VAPA: variants seen among roughly 807,000 people sequenced by gnomAD.
The protein encoded by VAPA is vesicle-associated membrane protein-associated protein A.
In VAPA, 6 loss-of-function variants were observed where a neutral mutation model predicts 25.6. The ratio of observed to expected loss-of-function variants is 0.23; its 90% CI spans 0.13 to 0.46. The LOEUF is 0.46. VAPA is among the 20% of genes least tolerant of loss of function. VAPA has a pLI of 0.99. For missense variants in VAPA, 244 were observed against 302.1 expected (o/e 0.81, Z 1.43); for synonymous variants, 112 against 106.2 (o/e 1.05, Z -0.34).
chr18:9,945,337 T>C (rs2069410765), intron 4 of VAPA, among the ~76,000 whole-genome samples: 2 of 143,938 alleles, frequency 1.4e-5, no homozygotes. Flanking sequence ...CTTTGAGATT[T>C]GGGGAATATA....
At position 9,958,780 on chromosome 18, in the gene VAPA, G is replaced by A. The variant is rs959635802; in HGVS notation, c.*4569G>A. 3 of 152,142 alleles carry A rather than the reference G, an allele frequency of 2.0e-5. No individual in the cohort carries two copies. The highest frequency in any genetic ancestry group is 7.2e-5 in the African/African-American group (3 of 41,436). The allele number at this position is 152,142 out of a possible 1,614,324, so 9.4% of individuals were successfully genotyped here. A position where few individuals can be genotyped will look rare whatever the true frequency, so the allele number is the denominator to read the frequency against. On this transcript the variant is annotated 3_prime_UTR_variant, in exon 6 of 6. Transcript: ENST00000400000. Reference sequence around the variant, plus strand: ...ATTGCTTAAAAAAAATTGCATAAAAGCTTTGCTTGTCAAGTTAGGATTGCT... The same window carrying A: ...ATTGCTTAAAAAAAATTGCATAAAAACTTTGCTTGTCAAGTTAGGATTGCT...
At position 9,957,838 on chromosome 18, in the gene VAPA, A is replaced by G. The variant is rs2069566414; in HGVS notation, c.*3627A>G. On this transcript the variant is annotated 3_prime_UTR_variant, in exon 6 of 6. Transcript: ENST00000400000. ...GTCTCTTGCTTAGTGAGATGGAGTT[A>G]ACTATTTTTTAGTAGGAAGTGAGAA... 1 of 152,190 alleles carries G rather than the reference A, an allele frequency of 6.6e-6. No individual in the cohort carries two copies. The highest frequency in any genetic ancestry group is 2.1e-4 in the South Asian group (1 of 4,824). 9.4% of individuals were successfully genotyped at this position (152,190 alleles called of 1,614,324 possible). A position where few individuals can be genotyped will look rare whatever the true frequency, so the allele number is the denominator to read the frequency against.
In VAPA at chr18:9,954,146, C is replaced by A; in HGVS notation, c.685C>A (p.Pro229Thr). 6.2e-7 allele frequency: 1 copy of A among 1,613,942 alleles called. No homozygotes were observed. Among genetic ancestry groups the A allele is most frequent in the Non-Finnish European group, 8.5e-7 (1 of 1,179,864 alleles). ...CAGAGATAATGTCACCAGTCCTCTTCCTTCACTTCTTGTTGTAATTGCAGC... is the reference window on the plus strand; with the variant it reads ...CAGAGATAATGTCACCAGTCCTCTTACTTCACTTCTTGTTGTAATTGCAGC... ...SFRDNVTSPL[P>T]SLLVVIAAIF... is the part of the protein sequence containing the mutation. The change falls in exon 6 of 6, where the codon CCT becomes ACT. Residue 229 changes from proline (P) to threonine (T), a missense_variant. This residue lies in a region of VAPA where 145 missense variants were observed against 140.6 expected (regional missense o/e 1.03). Transcript: ENST00000400000.
chr18:9,914,847 A>G (rs982839848), intron 1 of VAPA: 1 of 152,180 alleles, frequency 6.6e-6, no homozygotes, highest in Non-Finnish European at 1.5e-5. Flanking sequence ...AGGCTAGGGC[A>G]CGGCGCGGGA....
intron 4 of VAPA, among the ~76,000 whole-genome samples, chr18:9,942,876 C>CA (rs201228323): frequency 0.01 from 1,540 of 152,292 alleles, 13 homozygotes; most frequent in Non-Finnish European, 0.017. Flanking sequence ...GTTCCACCTC[C>CA]AACACTGGAG....
intron 5 of VAPA, chr18:9,951,186 A>G (rs1229501615): frequency 6.6e-6 from 1 of 152,366 alleles, no homozygotes; most frequent in African/African-American, 2.4e-5. Context: ...GTGGGGCAGC[A>G]TTGGGCTGGA....
Position 9,950,429 on chromosome 18 carries a change from A to C in VAPA, c.452A>C (p.Asn151Thr). The C allele has an allele frequency of 6.2e-7, 1 of 1,613,918 alleles. No individual in the cohort carries two copies. Among genetic ancestry groups the C allele is most frequent in the Admixed American group, 1.7e-5 (1 of 59,964 alleles). Reference sequence around the variant, plus strand: ...GAACCTAGCAAAGCTGTTCCACTGAATGCATCTAAGCAAGATGGACCTATG... The same window carrying C: ...GAACCTAGCAAAGCTGTTCCACTGACTGCATCTAAGCAAGATGGACCTATG... ...DMEPSKAVPL[N>T]ASKQDGPMPK... Residue 151 changes from asparagine (N) to threonine (T), a missense_variant, in exon 5 of 6, where the codon AAT (asparagine) becomes ACT (threonine). Coordinates refer to ENST00000400000, the MANE Select transcript of VAPA (RefSeq NM_194434.3).
At chr18:9,936,723 A>AAAAAGAAC in intron 3 of VAPA, 1 of 394,780 alleles carries the variant, frequency 2.5e-6, no homozygotes. Flanking sequence ...CCAACTGGAA[A>AAAAAGAAC]AAAAGAAAGA....
intron 1 of VAPA, among the ~76,000 whole-genome samples, chr18:9,916,219 T>C (rs1443162110): frequency 3.3e-5 from 5 of 152,242 alleles, no homozygotes; most frequent in Admixed American, 1.3e-4. Context: ...GCAAAAGCCC[T>C]ACACAGTGAC....
intron 1 of VAPA, among the ~76,000 whole-genome samples, chr18:9,931,332 T>C (rs756533062): frequency 6.6e-6 from 1 of 152,180 alleles, no homozygotes; most frequent in Non-Finnish European, 1.5e-5. Flanking sequence ...TGTGAATGAA[T>C]GAATGGATTG....
chr18:9,927,580 G>T (rs2069211828), intron 1 of VAPA, among the ~76,000 whole-genome samples: 2 of 151,340 alleles, frequency 1.3e-5, no homozygotes. Context: ...TCATTGTTCT[G>T]AATGGTTGAA....
At chr18:9,926,145 C>T (rs1007658368) in intron 1 of VAPA, among the ~76,000 whole-genome samples, 12 of 152,002 alleles carry the variant, frequency 7.9e-5, no homozygotes, top group African/African-American at 2.9e-4. Flanking sequence ...CATGAGTGCC[C>T]AATAAACGCT....
At position 9,955,741 on chromosome 18, in the gene VAPA, A is replaced by G. The variant is rs1196946346; in HGVS notation, c.*1530A>G. 3 of 152,124 alleles carry G rather than the reference A, an allele frequency of 2.0e-5. No individual in the cohort carries two copies. Among genetic ancestry groups the G allele is most frequent in the Admixed American group, 1.3e-4 (2 of 15,278 alleles). 9.4% of individuals were successfully genotyped at this position (152,124 alleles called of 1,614,324 possible). On this transcript the variant is annotated 3_prime_UTR_variant, in exon 6 of 6. Transcript: ENST00000400000. The stretch of plus-strand genomic sequence containing the variant: ...TTTGAATTTGTCAGATCACACATAT[A>G]TTGTGTTATTGGGCGCTGTGGTATC...
At chr18:9,940,688 A>G (rs1567898534) in intron 4 of VAPA, among the ~76,000 whole-genome samples, 1 of 152,156 alleles carries the variant, frequency 6.6e-6, no homozygotes, top group Non-Finnish European at 1.5e-5. Context: ...AACCAGCTGA[A>G]GTGGTGTTTC....
chr18:9,919,678 G>T (rs750507260), intron 1 of VAPA, among the ~76,000 whole-genome samples: 1 of 152,216 alleles, frequency 6.6e-6, no homozygotes, highest in South Asian at 2.1e-4. Context: ...ACTGAAAGAG[G>T]TCGGCGTGGC....
intron 1 of VAPA, among the ~76,000 whole-genome samples, chr18:9,924,291 G>T (rs1289546348): frequency 7.2e-5 from 11 of 152,014 alleles, no homozygotes; most frequent in African/African-American, 1.9e-4. Context: ...GATGTGGACC[G>T]CTCGTTTCTA....
In VAPA at chr18:9,923,296, GAT is replaced by G. The variant is rs2069172601; in HGVS notation, c.80-8513_80-8512del. Among the ~76,000 whole-genome samples, 393 of 141,850 alleles carry G rather than the reference GAT, an allele frequency of 2.8e-3. 2 individuals are homozygous for G. The highest frequency in any genetic ancestry group is 0.01 in the African/African-American group (384 of 37,800). 93.1% of individuals were successfully genotyped at this position (141,850 alleles called of 152,430 possible). On this transcript the variant is annotated intron_variant, in intron 1 of 5. Coordinates refer to ENST00000400000, the MANE Select transcript of VAPA (RefSeq NM_194434.3). ...GATTGAATTACCGTTAAAAAGTAGG[GAT>G]GTTAATTAAAAAAGAATTGTTGCTA...
chr18:9,943,946 C>T (rs915981439), intron 4 of VAPA, among the ~76,000 whole-genome samples: 3 of 143,658 alleles, frequency 2.1e-5, no homozygotes, highest in South Asian at 2.2e-4. Flanking sequence ...CTGTAAGCGC[C>T]GCCTCCCGGG....
intron 2 of VAPA, 100 bp downstream of exon 2, chr18:9,932,062 C>T (rs1022194310): frequency 2.4e-6 from 2 of 849,972 alleles, no homozygotes; most frequent in East Asian, 2.7e-5. Context: ...GGAAATAATT[C>T]TTATATTATT....
Sources: gnomAD v4.1 joint callset for allele counts (sites outside exome capture counted in the v4.1 genomes callset) on GRCh38, gnomAD v4.1.1 for gene constraint, gnomAD v4.1.1 regional missense constraint, MANE v1.5 for transcripts, NCBI Gene and HGNC (gene_info 2026-07-23, HGNC 2026-07-21) for gene names.